CYB5R2: variants seen among roughly 807,000 people sequenced by gnomAD.
The protein encoded by CYB5R2 is cytochrome b5 reductase 2, also known as NADH-cytochrome b5 reductase 2.
A neutral mutation model predicts 29.8 loss-of-function variants in CYB5R2; 35 were observed. That is an observed-to-expected ratio of 1.17 (90% CI 0.90 to 1.56). The LOEUF (loss-of-function observed/expected upper bound fraction) is 1.56. CYB5R2 is among the 40% of genes most tolerant of loss of function. The pLI, the probability that CYB5R2 is intolerant of heterozygous loss-of-function variation, is 0.00. For missense variants in CYB5R2, 419 were observed against 346.7 expected (o/e 1.21, Z -1.66); for synonymous variants, 169 against 130.6 (o/e 1.29, Z -2.01).
intron 1 of CYB5R2, 138 bp downstream of exon 1, chr11:7,673,281 A>G: frequency 1.3e-6 from 1 of 781,704 alleles, no homozygotes; most frequent in South Asian, 3.6e-5. Flanking sequence ...CCCTAAAGAC[A>G]GAACTAGGGT....
chr11:7,665,980 C>G (rs369746956), intron 8 of CYB5R2: 1 of 1,433,576 alleles, frequency 7.0e-7, no homozygotes, highest in Non-Finnish European at 9.5e-7. Context: ...GTGTGAGAGG[C>G]GCGCCTGTGG....
chr11:7,672,575 G>C, intron 2 of CYB5R2, 52 bp from the exon 3 acceptor site: 1 of 1,580,564 alleles, frequency 6.3e-7, no homozygotes, highest in Non-Finnish European at 8.7e-7. Context: ...AAGCCTTGCT[G>C]GGCAGCTGAG....
At chr11:7,665,677 C>A (rs945611860) in intron 8 of CYB5R2, 131 bp from the exon 9 acceptor site, 1 of 1,174,224 alleles carries the variant, frequency 8.5e-7, no homozygotes, top group Non-Finnish European at 1.2e-6. Context: ...GAAGTCTGTA[C>A]TACTGCTCCC....
chr11:7,672,396 GGAGGGCCTAGCCCCCA>G, intron 3 of CYB5R2, 39 bp downstream of exon 3: 2 of 1,479,924 alleles, frequency 1.4e-6, no homozygotes, highest in Non-Finnish European at 1.9e-6. Flanking sequence ...TGTTAAGAGA[GGAGGGCCTAGCCCCCA>G]GAGGCCCCAG....
At chr11:7,674,192 GC>G (rs147390779), upstream of CYB5R2, 975 of 1,260,356 alleles carry the variant, frequency 7.7e-4, 11 homozygotes, top group African/African-American at 0.013. Flanking sequence ...TCAGGCAGCT[GC>G]AAAGAGCGCG....
intron 8 of CYB5R2, 71 bp downstream of exon 8, chr11:7,666,376 GAGAC>G: frequency 4.3e-6 from 4 of 938,542 alleles, no homozygotes; most frequent in South Asian, 1.4e-5. Flanking sequence ...ACAAAACAAA[GAGAC>G]AGAGACCAGT....
At position 7,669,663 on chromosome 11, in the gene CYB5R2, T is replaced by C; in HGVS notation, c.220A>G (p.Ser74Gly). ...LVVRAYTPVSSDDDRGFVDLI... is the reference protein window; with the variant it reads ...LVVRAYTPVSGDDDRGFVDLI... ...TCCACAAAGCCTCTGTCATCATCAC[T>C]GGAGACAGGGGTGTAAGCCCTGACC... Residue 74 changes from serine to glycine, a missense_variant, in exon 4 of 9, where the codon AGT becomes GGT. Coordinates refer to ENST00000299498, the MANE Select transcript of CYB5R2 (RefSeq NM_016229.5). 1 of 1,612,328 alleles carries C rather than the reference T, an allele frequency of 6.2e-7. No individual in the cohort carries two copies. The highest frequency in any genetic ancestry group is 1.1e-5 in the South Asian group (1 of 90,806).
At position 7,667,709 on chromosome 11, in the gene CYB5R2, A is replaced by C. The variant is rs779412744; in HGVS notation, c.558+19T>G. 6.3e-7 allele frequency: 1 copy of C among 1,598,772 alleles called. No individual in the cohort carries two copies. The highest frequency in any genetic ancestry group is 1.3e-5 in the African/African-American group (1 of 74,584). On this transcript the variant is annotated intron_variant, in intron 7 of 8. Transcript: ENST00000299498. ...AGCAAACATTCCATCCTACCACTGC[A>C]AGCTCAGCAGGAACTGACCTGGTTG...
chr11:7,669,370 G>A (rs1855577447), intron 4 of CYB5R2, 36 bp from the exon 5 acceptor site: 1 of 1,586,508 alleles, frequency 6.3e-7, no homozygotes, highest in South Asian at 1.2e-5. Flanking sequence ...CACATTCCCA[G>A]ACACAATGCC....
chr11:7,667,917 T>C, intron 6 of CYB5R2, 104 bp from the exon 7 acceptor site: 1 of 934,022 alleles, frequency 1.1e-6, no homozygotes, highest in Non-Finnish European at 1.7e-6. Flanking sequence ...AGTTATCCTT[T>C]TCTCACTTCT....
rs146477029 is a variant in CYB5R2, at chr11:7,667,783, T to G, written c.503A>C (p.His168Pro). ...GITPMLQLIR[H>P]ITKDPSDRTR... ...CCTGTCACTGGGGTCCTTGGTGATG[T>G]GGCGAATGAGCTGCAACATGGGTGT... Residue 168 changes from histidine (H) to proline (P), a missense_variant, in exon 7 of 9, where the codon CAC (histidine) becomes CCC (proline). Transcript: ENST00000299498. 132 of 1,614,082 alleles carry G rather than the reference T, an allele frequency of 8.2e-5. No homozygotes were observed. The highest frequency in any genetic ancestry group is 9.7e-5 in the Non-Finnish European group (115 of 1,180,050).
chr11:7,670,671 G>T (rs1483354127), intron 3 of CYB5R2: 1 of 152,202 alleles, frequency 6.6e-6, no homozygotes, highest in South Asian at 2.1e-4. Flanking sequence ...AACCAGGTGT[G>T]GCCAGAGACC....
Position 7,672,529 on chromosome 11 carries a change from A to AAAAC in CYB5R2, c.79-10_79-7dup, listed in dbSNP as rs1196923383. The stretch of plus-strand genomic sequence containing the variant: ...CGGGTGTTGTGGCTGATTTTCTGAT[A>AAAAC]AAACAAAACATAGGCAGGTTCTGTC... On this transcript the variant is annotated splice_polypyrimidine_tract_variant and splice_region_variant and intron_variant, in intron 2 of 8. Coordinates refer to ENST00000299498, the MANE Select transcript of CYB5R2 (RefSeq NM_016229.5). 6.8e-6 allele frequency: 11 copies of AAAAC among 1,613,916 alleles called. No individual in the cohort carries two copies. The highest frequency in any genetic ancestry group is 9.3e-6 in the Non-Finnish European group (11 of 1,179,878).
upstream of CYB5R2, chr11:7,673,598 C>A (rs1479142076): frequency 3.0e-6 from 3 of 985,462 alleles, no homozygotes; most frequent in Non-Finnish European, 3.6e-6. Flanking sequence ...CCCAACCTCC[C>A]GGTCGGACGT....
intron 3 of CYB5R2, chr11:7,670,981 C>T (rs1355053716): frequency 6.6e-6 from 1 of 152,326 alleles, no homozygotes; most frequent in Non-Finnish European, 1.5e-5. Context: ...GAAACCAAGA[C>T]CTAAGGTGCA....
At chr11:7,668,445 A>T in intron 6 of CYB5R2, 33 bp downstream of exon 6, 2 of 1,513,344 alleles carry the variant, frequency 1.3e-6, no homozygotes, top group Non-Finnish European at 1.8e-6. Context: ...CTCGGGGCTC[A>T]CTCTCTGGAT....
At chr11:7,666,323 G>A (rs992930426) in intron 8 of CYB5R2, 128 bp downstream of exon 8, 27 of 649,452 alleles carry the variant, frequency 4.2e-5, no homozygotes, top group Middle Eastern at 4.3e-4. Flanking sequence ...TCTGGAGCCA[G>A]AGCCCCAGGC....
At chr11:7,669,389 G>A (rs1039244129) in intron 4 of CYB5R2, 55 bp from the exon 5 acceptor site, 37 of 1,558,884 alleles carry the variant, frequency 2.4e-5, no homozygotes, top group African/African-American at 2.1e-4. Flanking sequence ...CCACAGCCAC[G>A]TACAACTAGA....
upstream of CYB5R2, chr11:7,673,614 C>T: frequency 4.3e-5 from 42 of 985,536 alleles, no homozygotes; most frequent in Non-Finnish European, 4.9e-5. Flanking sequence ...GACGTTCGTT[C>T]CCGGCTCTAG....
Sources: allele counts gnomAD v4.1 joint callset, GRCh38; gene constraint gnomAD v4.1.1; transcripts MANE v1.5; gene names NCBI Gene and HGNC (gene_info 2026-07-23, HGNC 2026-07-21).